DDX46: variants seen among roughly 807,000 people sequenced by gnomAD.
The protein encoded by DDX46 is DEAD-box helicase 46.
In DDX46, 30 loss-of-function variants were observed where a neutral mutation model predicts 134.9. The observed-to-expected ratio is 0.22, with a 90% CI of 0.17 to 0.30. DDX46 has a LOEUF of 0.30. Among genes scored for constraint, DDX46 ranks in the 10% least tolerant of loss-of-function variants. The pLI, the probability that DDX46 is intolerant of heterozygous loss-of-function variation, is 1.00. For synonymous variants in DDX46, 415 were observed against 404.1 expected, an observed-to-expected ratio of 1.03 and a Z score of -0.32; for missense variants, 622 against 1,248.7, an observed-to-expected ratio of 0.50 and a Z score of 7.56.
chr5:134,784,352 G>A lies in DDX46; in HGVS notation c.1167-14G>A. ...TCAATTCTTACCTTTTCTTCCTTTGGTTTTCTTTTTAAGGCATGGCTATGA... is the reference window on the plus strand; with the variant it reads ...TCAATTCTTACCTTTTCTTCCTTTGATTTTCTTTTTAAGGCATGGCTATGA... On this transcript the variant is annotated splice_polypyrimidine_tract_variant and intron_variant, in intron 9 of 22. Coordinates refer to ENST00000452510, the MANE Select transcript of DDX46 (RefSeq NM_001300860.2). The A allele has an allele frequency of 1.3e-6, 2 of 1,588,020 alleles. No homozygotes were observed. Among genetic ancestry groups the A allele is most frequent in the Non-Finnish European group, 1.7e-6 (2 of 1,169,202 alleles).
chr5:134,779,007 C>G (rs1206093842), intron 6 of DDX46, among the ~76,000 whole-genome samples: 1 of 152,244 alleles, frequency 6.6e-6, no homozygotes, highest in South Asian at 2.1e-4. Flanking sequence ...AGTGATTCTT[C>G]TGCCTCAGCT....
intron 12 of DDX46, 43 bp downstream of exon 12, chr5:134,788,634 C>A (rs911347924): frequency 7.7e-6 from 12 of 1,551,728 alleles, no homozygotes; most frequent in Non-Finnish European, 1.1e-5. Context: ...TTTTTGAATT[C>A]TTTACTTTTT....
At position 134,763,960 on chromosome 5, in the gene DDX46, G is replaced by A. The variant is rs777815031; in HGVS notation, c.74G>A (p.Arg25His). ...RGRSGSRSRS[R>H]SPSDKRSKRG... ...CGCTCTGGAAGTCGGTCTAGAAGTCGCTCACCCTCAGACAAAAGAAGTAAA... is the reference window on the plus strand; with the variant it reads ...CGCTCTGGAAGTCGGTCTAGAAGTCACTCACCCTCAGACAAAAGAAGTAAA... The change falls in exon 2 of 23, where the codon CGC becomes CAC. Residue 25 changes from arginine (R) to histidine (H), a missense_variant. By Grantham distance (29) the Arg-to-His change is conservative. Transcript: ENST00000452510. 8.7e-6 allele frequency: 14 copies of A among 1,614,158 alleles called. No individual in the cohort carries two copies. The highest frequency in any genetic ancestry group is 1.1e-5 in the Non-Finnish European group (13 of 1,180,028).
At chr5:134,765,445 C>T (rs938457070) in intron 2 of DDX46, among the ~76,000 whole-genome samples, 3 of 150,390 alleles carry the variant, frequency 2.0e-5, no homozygotes, top group Admixed American at 6.7e-5. Flanking sequence ...CCCAGCTGCT[C>T]GGGAAGCTGA....
chr5:134,770,927 T>C lies in DDX46; in HGVS notation c.375T>C (p.Asp125=), dbSNP rs933405422. ...GATCTAGGTCCAAAGAGAAAACTGA[T>C]GGTGGGGAAAGTTCTAAAGAGAAGA... The part of the protein sequence containing the change: ...ENRSRSKEKT[D]GGESSKEKKK... Residue 125 remains aspartate (D), a synonymous_variant, in exon 4 of 23, where the codon GAT becomes GAC. Transcript: ENST00000452510. The C allele has an allele frequency of 3.2e-6, 5 of 1,586,242 alleles. No individual in the cohort carries two copies. In the African/African-American group the frequency reaches 6.9e-5, roughly 22 times the overall value.
chr5:134,781,043 A>G (rs1754137220), intron 6 of DDX46, 90 bp from the exon 7 acceptor site: 1 of 901,764 alleles, frequency 1.1e-6, no homozygotes, highest in Non-Finnish European at 1.6e-6. Flanking sequence ...AAAACTAAAG[A>G]TGAAATTGTG....
At chr5:134,798,160 C>T (rs1234565352) in intron 15 of DDX46, among the ~76,000 whole-genome samples, 3 of 149,522 alleles carry the variant, frequency 2.0e-5, no homozygotes. Flanking sequence ...ATAAAATATC[C>T]CCGCCCCCCA....
intron 16 of DDX46, 44 bp downstream of exon 16, chr5:134,807,985 A>G: frequency 1.3e-6 from 2 of 1,520,182 alleles, no homozygotes; most frequent in Non-Finnish European, 1.8e-6. Flanking sequence ...ATATTAAAAT[A>G]CAGGTGTTTC....
intron 18 of DDX46, among the ~76,000 whole-genome samples, chr5:134,813,651 AAC>A (rs751667224): frequency 2.2e-4 from 33 of 152,060 alleles, no homozygotes; most frequent in Non-Finnish European, 4.0e-4. Context: ...TTGTTTTGGA[AAC>A]AGAGTCTGAC....
At position 134,829,182 on chromosome 5, in the gene DDX46, TAATAG is replaced by T. The variant is rs1367735556; in HGVS notation, c.*479_*483del. 6.6e-6 allele frequency: 1 copy of T among 152,288 alleles called. No homozygotes were observed. Among genetic ancestry groups the T allele is most frequent in the African/African-American group, 2.4e-5 (1 of 41,470 alleles). 9.4% of individuals were successfully genotyped at this position (152,288 alleles called of 1,614,324 possible). On this transcript the variant is annotated 3_prime_UTR_variant, in exon 23 of 23. Coordinates refer to ENST00000452510, the MANE Select transcript of DDX46 (RefSeq NM_001300860.2). Reference sequence around the variant, plus strand: ...ATATGAACTGGATTTAAGAATGTTATAATAGAAGTCTTACAAAATGGGTTGAGAGT... The same window carrying T: ...ATATGAACTGGATTTAAGAATGTTATAAGTCTTACAAAATGGGTTGAGAGT...
intron 21 of DDX46, among the ~76,000 whole-genome samples, chr5:134,820,264 GT>G (rs1273929389): frequency 1.4e-5 from 2 of 146,722 alleles, no homozygotes; most frequent in African/African-American, 4.9e-5. Context: ...ATTTTAAGTG[GT>G]TTTTGTTTTT....
intron 5 of DDX46, among the ~76,000 whole-genome samples, chr5:134,775,875 T>C (rs1753919421): frequency 6.6e-6 from 1 of 152,112 alleles, no homozygotes; most frequent in Non-Finnish European, 1.5e-5. Context: ...TGAAAGGTAA[T>C]TGAAAGAAAA....
chr5:134,763,284 T>C (rs1043480782), intron 1 of DDX46, among the ~76,000 whole-genome samples: 1 of 152,164 alleles, frequency 6.6e-6, no homozygotes, highest in Non-Finnish European at 1.5e-5. Context: ...CTGCTTAAAG[T>C]CTTCCAGTAG....
intron 18 of DDX46, among the ~76,000 whole-genome samples, chr5:134,815,706 CAAAAAAAAAAA>C (rs374562980): frequency 1.4e-4 from 4 of 28,698 alleles, no homozygotes; most frequent in Admixed American, 5.3e-4. Context: ...GACTCTGTCT[CAAAAAAAAAAA>C]AAAAAAAAAA....
chr5:134,819,372 G>C (rs1053708616), intron 21 of DDX46, among the ~76,000 whole-genome samples: 1 of 152,134 alleles, frequency 6.6e-6, no homozygotes, highest in Admixed American at 6.6e-5. Flanking sequence ...GGCAAATATT[G>C]CCTGTGAAAT....
chr5:134,815,824 G>T (rs1373661119), intron 18 of DDX46, among the ~76,000 whole-genome samples: 2 of 148,748 alleles, frequency 1.3e-5, no homozygotes, highest in Non-Finnish European at 1.5e-5. Flanking sequence ...ACCTGCATTT[G>T]TTTCCTTTCT....
At chr5:134,795,948 AT>A in intron 14 of DDX46, 39 bp from the exon 15 acceptor site, 1 of 1,584,832 alleles carries the variant, frequency 6.3e-7, no homozygotes, top group Non-Finnish European at 8.6e-7. Context: ...ATCCATTTGC[AT>A]TTTCACTTCA....
chr5:134,761,231 G>T (rs1296343851), intron 1 of DDX46, among the ~76,000 whole-genome samples: 1 of 152,134 alleles, frequency 6.6e-6, no homozygotes, highest in Non-Finnish European at 1.5e-5. Flanking sequence ...TCACCATGTT[G>T]CCCAGGCTGG....
chr5:134,784,818 A>G (rs1308376539), intron 10 of DDX46: 5 of 200,472 alleles, frequency 2.5e-5, no homozygotes, highest in Non-Finnish European at 3.0e-5. Context: ...TCGTGCATCT[A>G]TCTGTTTATT....
Sources: allele counts gnomAD v4.1 joint callset (sites outside exome capture counted in the v4.1 genomes callset), GRCh38; gene constraint gnomAD v4.1.1; transcripts MANE v1.5; gene names NCBI Gene and HGNC (gene_info 2026-07-23, HGNC 2026-07-21).